The following PDK1 variants were observed in gnomAD, a reference collection of about 807,000 sequenced individuals.
The protein encoded by PDK1 is pyruvate dehydrogenase kinase 1, also known as [Pyruvate dehydrogenase (acetyl-transferring)] kinase isozyme 1, mitochondrial.
Under a neutral mutation model 54.2 loss-of-function variants are expected in PDK1, and 39 were observed. That is an observed-to-expected ratio of 0.72 (90% CI 0.56 to 0.94). The LOEUF (loss-of-function observed/expected upper bound fraction) is 0.94. PDK1 is among the 40% of genes least tolerant of loss of function. The pLI is 0.00. For synonymous variants in PDK1, 221 were observed against 207.1 expected, an observed-to-expected ratio of 1.07 and a Z score of -0.58; for missense variants, 552 against 566.0, an observed-to-expected ratio of 0.98 and a Z score of 0.25.
the PDK1 span, among the ~76,000 whole-genome samples, chr2:172,624,535 C>G: frequency 6.6e-6 from 1 of 151,886 alleles, no homozygotes; most frequent in South Asian, 2.1e-4. Context: ...CGAACACCAT[C>G]CATGGAAAAA....
the PDK1 span, among the ~76,000 whole-genome samples, chr2:172,615,188 A>G: frequency 2.6e-5 from 4 of 152,236 alleles, no homozygotes; most frequent in Non-Finnish European, 5.9e-5. Flanking sequence ...AAAGGGTCTG[A>G]GAGAAATCTT....
the PDK1 span, among the ~76,000 whole-genome samples, chr2:172,656,471 C>T: frequency 6.6e-6 from 1 of 152,080 alleles, no homozygotes; most frequent in Non-Finnish European, 1.5e-5. Context: ...TTAGAGGAGC[C>T]TAGAGGATTG....
the PDK1 span, among the ~76,000 whole-genome samples, chr2:172,702,059 G>A: frequency 2.0e-5 from 3 of 152,172 alleles, no homozygotes; most frequent in African/African-American, 7.2e-5. Context: ...CAAGGACTAG[G>A]TTAGGGGCGC....
the PDK1 span, among the ~76,000 whole-genome samples, chr2:172,637,658 C>A: frequency 6.6e-6 from 1 of 152,226 alleles, no homozygotes; most frequent in South Asian, 2.1e-4. Context: ...GATCTGCTCT[C>A]TTCTCTACTT....
chr2:172,720,363 C>A, the PDK1 span, among the ~76,000 whole-genome samples: 1 of 152,146 alleles, frequency 6.6e-6, no homozygotes, highest in African/African-American at 2.4e-5. Flanking sequence ...AATCCGCCCA[C>A]CTCGGCCTCC....
chr2:172,632,980 C>CAAAAA, the PDK1 span, among the ~76,000 whole-genome samples: 8 of 75,468 alleles, frequency 1.1e-4, no homozygotes, highest in African/African-American at 3.2e-4. Flanking sequence ...GATTCTGTCT[C>CAAAAA]AAAAAAAAAA....
intron 8 of PDK1, among the ~76,000 whole-genome samples, chr2:172,582,533 T>G (rs1000514473): frequency 6.6e-6 from 1 of 152,258 alleles, no homozygotes; most frequent in Admixed American, 6.5e-5. Context: ...CAAACTTCTC[T>G]TCCTTGGCCT....
the PDK1 span, among the ~76,000 whole-genome samples, chr2:172,635,722 CAT>C: frequency 1.3e-5 from 2 of 152,206 alleles, no homozygotes; most frequent in African/African-American, 2.4e-5. Context: ...AATTCCTAAA[CAT>C]AGTGAACAAA....
the PDK1 span, among the ~76,000 whole-genome samples, chr2:172,713,155 A>T: frequency 6.6e-6 from 1 of 152,276 alleles, no homozygotes; most frequent in East Asian, 1.9e-4. Context: ...CTCTCACTGG[A>T]GAGGAGACTC....
the PDK1 span, among the ~76,000 whole-genome samples, chr2:172,626,264 C>A: frequency 6.6e-6 from 1 of 152,006 alleles, no homozygotes; most frequent in African/African-American, 2.4e-5. Flanking sequence ...CAGATATGTG[C>A]TACTTTTCAA....
At chr2:172,640,313 A>G in the PDK1 span, among the ~76,000 whole-genome samples, 2 of 152,194 alleles carry the variant, frequency 1.3e-5, no homozygotes, top group Non-Finnish European at 2.9e-5. Context: ...ATATTTATTC[A>G]TAAGTGTATA....
the PDK1 span, among the ~76,000 whole-genome samples, chr2:172,621,781 ATC>A: frequency 1.3e-5 from 2 of 148,206 alleles, no homozygotes; most frequent in African/African-American, 4.9e-5. Flanking sequence ...ATATGTTTAT[ATC>A]TCATATGTAT....
Position 172,596,410 on chromosome 2 carries a change from A to G in PDK1, c.*441A>G, listed in dbSNP as rs1364164133. On this transcript the variant is annotated 3_prime_UTR_variant, in exon 11 of 11. Coordinates refer to ENST00000282077, the MANE Select transcript of PDK1 (RefSeq NM_002610.5). ...CTTTTATTCGGTAGTGACAGCTGTA[A>G]TATGGTCTTCATGTTTATCAGTGAC... 3.2e-5 allele frequency: 5 copies of G among 155,470 alleles called. No individual in the cohort carries two copies. The highest frequency in any genetic ancestry group is 3.9e-4 in the South Asian group (2 of 5,176). 9.6% of individuals were successfully genotyped at this position (155,470 alleles called of 1,614,324 possible). A position where few individuals can be genotyped will look rare whatever the true frequency, so the allele number is the denominator to read the frequency against.
At chr2:172,707,534 C>T in the PDK1 span, among the ~76,000 whole-genome samples, 4 of 152,136 alleles carry the variant, frequency 2.6e-5, no homozygotes, top group Non-Finnish European at 5.9e-5. Context: ...CTGCCAGCTT[C>T]GACAGCTCCA....
At chr2:172,688,419 T>C in the PDK1 span, among the ~76,000 whole-genome samples, 3 of 152,302 alleles carry the variant, frequency 2.0e-5, no homozygotes, top group South Asian at 6.2e-4. Context: ...CAGGGATTAT[T>C]GTGCCTGATG....
Position 172,566,854 on chromosome 2 carries a change from A to G in PDK1, c.692-2A>G, listed in dbSNP as rs1056275353. ...TTTTTGTTTTGTTTTGATTCACACT[A>G]GATGGCTATGAAAATGCTAGGCGTC... On this transcript the variant is annotated splice_acceptor_variant, in intron 5 of 10. Coordinates refer to ENST00000282077, the MANE Select transcript of PDK1 (RefSeq NM_002610.5). LOFTEE classifies it high-confidence loss of function. The G allele has an allele frequency of 1.9e-6, 3 of 1,599,172 alleles. No individual in the cohort carries two copies. The African/African-American group carries it at 4.0e-5, about 21-fold the overall frequency.
At chr2:172,680,867 T>C in the PDK1 span, among the ~76,000 whole-genome samples, 1 of 152,214 alleles carries the variant, frequency 6.6e-6, no homozygotes, top group Non-Finnish European at 1.5e-5. Flanking sequence ...ACAGAGGGCC[T>C]GGGCCAATTA....
intron 8 of PDK1, among the ~76,000 whole-genome samples, chr2:172,575,530 T>C (rs1689531128): frequency 6.6e-6 from 1 of 152,156 alleles, no homozygotes; most frequent in Admixed American, 6.6e-5. Context: ...TTTATAAATA[T>C]AAATAATAGG....
At chr2:172,705,598 A>G in the PDK1 span, among the ~76,000 whole-genome samples, 2 of 152,262 alleles carry the variant, frequency 1.3e-5, no homozygotes, top group African/African-American at 4.8e-5. Flanking sequence ...TAAAATTGTC[A>G]TAAGCCTCTA....
Sources: gnomAD v4.1 joint callset for allele counts (sites outside exome capture counted in the v4.1 genomes callset) on GRCh38, gnomAD v4.1.1 for gene constraint, MANE v1.5 for transcripts, NCBI Gene and HGNC (gene_info 2026-07-23, HGNC 2026-07-21) for gene names.